SGSM2: variants seen among roughly 807,000 people sequenced by gnomAD.
The protein encoded by SGSM2 is small G protein signaling modulator 2.
A neutral mutation model predicts 126.6 loss-of-function variants in SGSM2; 89 were observed. The ratio of observed to expected loss-of-function variants is 0.70; its 90% CI spans 0.59 to 0.84. The LOEUF is 0.84. Ranked by LOEUF, SGSM2 falls within the 40% of genes least tolerant of loss-of-function variation. SGSM2 has a pLI of 0.00. For synonymous variants in SGSM2, 614 were observed against 574.3 expected (o/e 1.07, Z -0.99); for missense variants, 1,404 against 1,416.6 (o/e 0.99, Z 0.14).
intron 2 of SGSM2, among the ~76,000 whole-genome samples, chr17:2,358,508 A>G (rs2065172298): frequency 6.6e-6 from 1 of 152,134 alleles, no homozygotes; most frequent in African/African-American, 2.4e-5. Context: ...CAGGCATTGG[A>G]GACCAGCCTA....
At position 2,379,597 on chromosome 17, in the gene SGSM2, C is replaced by T. The variant is rs568573686; in HGVS notation, c.*77C>T. On this transcript the variant is annotated 3_prime_UTR_variant, in exon 24 of 24. Coordinates refer to ENST00000268989, the MANE Select transcript of SGSM2 (RefSeq NM_014853.3). ...GGTGCAGGGGAGTCACCGCCCAGAC[C>T]TCCCCAGCCACCAACCGACCCCACC... 268 of 1,551,628 alleles carry T rather than the reference C, an allele frequency of 1.7e-4. No individual in the cohort carries two copies. Among genetic ancestry groups the T allele is most frequent in the Middle Eastern group, 1.1e-3 (5 of 4,460 alleles).
rs112858025 is a variant in SGSM2 at position 2,376,622 on chromosome 17, G to A, written c.2610-111G>A. ...GGTGCACAGTACATGCCTTAGGGTC[G>A]TGGAAAGGCTGACTTCTGGGCGGCA... On this transcript the variant is annotated intron_variant, in intron 19 of 23. Transcript: ENST00000268989. The A allele has an allele frequency of 2.2e-3, 2,593 of 1,183,584 alleles. 33 individuals are homozygous for A. The African/African-American group carries it at 0.032, about 14-fold the overall frequency. 73.3% of individuals were successfully genotyped at this position (1,183,584 alleles called of 1,614,324 possible). A position where few individuals can be genotyped will look rare whatever the true frequency, so the allele number is the denominator to read the frequency against.
chr17:2,368,195 G>C (rs1296844072), intron 12 of SGSM2, among the ~76,000 whole-genome samples: 1 of 152,156 alleles, frequency 6.6e-6, no homozygotes, highest in Admixed American at 6.5e-5. Flanking sequence ...TTTGTTGGAG[G>C]TGATAGCGTA....
In SGSM2 at chr17:2,354,905, A is replaced by G. The variant is rs1269308027; in HGVS notation, c.134-6732A>G. On this transcript the variant is annotated intron_variant, in intron 2 of 23. Coordinates refer to ENST00000268989, the MANE Select transcript of SGSM2 (RefSeq NM_014853.3). ...GTGTAAGCGTTGGGGAAGGGACCCCATATCTTAGAATGGTGGAATCGGGGT... is the reference window on the plus strand; with the variant it reads ...GTGTAAGCGTTGGGGAAGGGACCCCGTATCTTAGAATGGTGGAATCGGGGT... 3.5e-5 allele frequency among the ~76,000 whole-genome samples: 5 copies of G among 143,182 alleles called. No homozygotes were observed. In the East Asian group the frequency reaches 9.9e-4, roughly 28 times the overall value. The allele number at this position is 143,182 out of a possible 152,430, so 93.9% of individuals were successfully genotyped here.
rs568596633 is a variant in SGSM2 at position 2,347,893 on chromosome 17, A to G, written c.133+4273A>G. On this transcript the variant is annotated intron_variant, in intron 2 of 23. Transcript: ENST00000268989. ...TTCTGGCCAGGCAGAGCAGGTTCTC[A>G]GGCCAATCATATCTCCCAGGACCTC... Among the ~76,000 whole-genome samples the G allele has an allele frequency of 8.5e-5, 13 of 152,258 alleles. No homozygotes were observed. In the East Asian group the frequency reaches 2.3e-3, roughly 27 times the overall value.
At position 2,365,220 on chromosome 17, in the gene SGSM2, A is replaced by C. The variant is rs1194756108; in HGVS notation, c.1167A>C (p.Lys389Asn). 6 of 1,611,454 alleles carry C rather than the reference A, an allele frequency of 3.7e-6. No homozygotes were observed. The highest frequency in any genetic ancestry group is 1.7e-4 in the Middle Eastern group (1 of 6,044). Reference sequence around the variant, plus strand: ...ACCTACCCCTCCTTCCACAGGGGAAAGTGTTCCCCAAGCTACGGAAACGAA... The same window carrying C: ...ACCTACCCCTCCTTCCACAGGGGAACGTGTTCCCCAAGCTACGGAAACGAA... ...PPLWTQQGKGKVFPKLRKRSS... is the reference protein window; with the variant it reads ...PPLWTQQGKGNVFPKLRKRSS... The change falls in exon 11 of 24, where the codon AAA becomes AAC. Residue 389 changes from lysine to asparagine, a missense_variant. By Grantham distance (94) the Lys-to-Asn change is moderately conservative (BLOSUM62 0). Coordinates refer to ENST00000268989, the MANE Select transcript of SGSM2 (RefSeq NM_014853.3).
rs1410115276 is a variant in SGSM2, at chr17:2,373,487, C to T, written c.2074C>T (p.His692Tyr). 1.0e-5 allele frequency: 16 copies of T among 1,600,368 alleles called. No homozygotes were observed. The South Asian group carries it at 1.8e-4, about 18-fold the overall frequency. Residue 692 changes from histidine to tyrosine, a missense_variant, in exon 17 of 24, where the codon CAC (histidine) becomes TAC (tyrosine). Coordinates refer to ENST00000268989, the MANE Select transcript of SGSM2 (RefSeq NM_014853.3). Reference sequence around the variant, plus strand: ...CGACAGCCACGTGCAGCGCCTCATCCACCGAGACTCCACCATCAGCAACGA... The same window carrying T: ...CGACAGCCACGTGCAGCGCCTCATCTACCGAGACTCCACCATCAGCAACGA... ...SIDSHVQRLI[H>Y]RDSTISNDVF... is the part of the protein sequence containing the mutation.
At chr17:2,364,251 G>C in intron 8 of SGSM2, 68 bp downstream of exon 8, 5 of 1,596,360 alleles carry the variant, frequency 3.1e-6, no homozygotes, top group Non-Finnish European at 4.3e-6. Flanking sequence ...GCAGAGGGAT[G>C]GAGAAACCCC....
chr17:2,371,465 G>A (rs555943899), intron 13 of SGSM2, 50 bp downstream of exon 13: 13 of 1,540,192 alleles, frequency 8.4e-6, no homozygotes, highest in South Asian at 3.7e-5. Context: ...GTCCAGCCAC[G>A]TGTGTGTCCG....
intron 2 of SGSM2, among the ~76,000 whole-genome samples, chr17:2,346,003 G>T (rs1270211740): frequency 6.6e-6 from 1 of 152,160 alleles, no homozygotes; most frequent in Non-Finnish European, 1.5e-5. Flanking sequence ...AGCAAGGTAT[G>T]GATCAAAAAC....
chr17:2,373,629 C>T (rs2065990017), intron 17 of SGSM2, 116 bp downstream of exon 17: 2 of 888,510 alleles, frequency 2.3e-6, no homozygotes, highest in African/African-American at 1.7e-5. Context: ...GCGAGAAAGG[C>T]CTAAGGTGCC....
intron 20 of SGSM2, 44 bp from the exon 21 acceptor site, chr17:2,376,915 C>G (rs1567851576): frequency 6.2e-7 from 1 of 1,600,420 alleles, no homozygotes; most frequent in Non-Finnish European, 8.6e-7. Context: ...GGCTCTGTCC[C>G]CTGCGTCTCC....
In SGSM2 at chr17:2,363,520, C is replaced by T. The variant is rs769687414; in HGVS notation, c.728C>T (p.Ala243Val). Residue 243 changes from alanine to valine, a missense_variant, in exon 7 of 24, where the codon GCC (alanine) becomes GTC (valine). Physicochemically the swap from Ala to Val is moderately conservative, Grantham distance 64 (BLOSUM62 0). Transcript: ENST00000268989. The surrounding 1 kb of genome is among the most constrained non-coding windows in gnomAD (Gnocchi z 4.2). ...SASEDRLAACARECVESLHQN... is the reference protein window; with the variant it reads ...SASEDRLAACVRECVESLHQN... ...TCGGAGGACAGGCTGGCTGCCTGTG[C>T]CCGCGAGTGTGTGGAGTCCCTGCAC... 2 of 1,613,252 alleles carry T rather than the reference C, an allele frequency of 1.2e-6. No individual in the cohort carries two copies. Among genetic ancestry groups the T allele is most frequent in the East Asian group, 2.2e-5 (1 of 44,884 alleles).
At position 2,375,694 on chromosome 17, in the gene SGSM2, T is replaced by C; in HGVS notation, c.2303T>C (p.Leu768Pro). ...YSVASGIQSS[L>P]DEGQSVGFEE... is the part of the protein sequence containing the mutation. ...GTGGCCTCGGGCATCCAGTCAAGCCTAGATGAGGGGCAGAGCGTGGGCTTC... is the reference window on the plus strand; with the variant it reads ...GTGGCCTCGGGCATCCAGTCAAGCCCAGATGAGGGGCAGAGCGTGGGCTTC... The change falls in exon 18 of 24, where the codon CTA (leucine) becomes CCA (proline). Residue 768 changes from leucine (L) to proline (P), a missense_variant. Leu to Pro is a moderately conservative substitution (Grantham distance 98). Coordinates refer to ENST00000268989, the MANE Select transcript of SGSM2 (RefSeq NM_014853.3). The C allele has an allele frequency of 6.2e-7, 1 of 1,613,444 alleles. No individual in the cohort carries two copies. The highest frequency in any genetic ancestry group is 8.5e-7 in the Non-Finnish European group (1 of 1,179,632).
At chr17:2,375,986 A>G (rs750445166) in intron 18 of SGSM2, 111 bp downstream of exon 18, 8 of 1,506,998 alleles carry the variant, frequency 5.3e-6, no homozygotes, top group Admixed American at 2.1e-5. Flanking sequence ...ACTGCCCTGG[A>G]AGGGAGTTCT....
chr17:2,344,599 CAG>C (rs1182573324), intron 2 of SGSM2, among the ~76,000 whole-genome samples: 4 of 152,220 alleles, frequency 2.6e-5, no homozygotes, highest in Admixed American at 6.5e-5. Context: ...ACAAGATGGA[CAG>C]AGTCTCTGCC....
intron 23 of SGSM2, 48 bp from the exon 24 acceptor site, chr17:2,379,384 G>A (rs963219991): frequency 2.2e-5 from 35 of 1,584,970 alleles, no homozygotes; most frequent in Non-Finnish European, 2.9e-5. Context: ...CTCCTAGCCT[G>A]CTGCCCTTTC....
At chr17:2,365,821 A>T (rs528888507) in intron 11 of SGSM2, among the ~76,000 whole-genome samples, 1 of 144,390 alleles carries the variant, frequency 6.9e-6, no homozygotes, top group Non-Finnish European at 1.5e-5. Context: ...ATCTCAGCTC[A>T]CTGCAACCTC....
Position 2,363,948 on chromosome 17 carries a change from G to A in SGSM2, c.808-111G>A. ...CCCCGTCCCTAGTCCAGGACCCCGT[G>A]ACTAGCCTAGCTTGGCCTCCCCTCC... On this transcript the variant is annotated intron_variant, in intron 7 of 23. Transcript: ENST00000268989. This position sits in a 1 kb window ranked among gnomAD's most constrained non-coding sequence, Gnocchi z 4.2. 7.3e-7 allele frequency: 1 copy of A among 1,364,824 alleles called. No homozygotes were observed. Among genetic ancestry groups the A allele is most frequent in the South Asian group, 1.2e-5 (1 of 81,408 alleles). 84.5% of individuals were successfully genotyped at this position (1,364,824 alleles called of 1,614,324 possible). A position where few individuals can be genotyped will look rare whatever the true frequency, so the allele number is the denominator to read the frequency against.
Sources: gnomAD v4.1 joint callset for allele counts (sites outside exome capture counted in the v4.1 genomes callset) on GRCh38, gnomAD v4.1.1 for gene constraint, Gnocchi (gnomAD v3.1) non-coding constraint, MANE v1.5 for transcripts, NCBI Gene and HGNC (gene_info 2026-07-23, HGNC 2026-07-21) for gene names.